COL24A1: variants seen among roughly 807,000 people sequenced by gnomAD.
COL24A1 encodes collagen type XXIV alpha 1 chain.
A neutral mutation model predicts 253.9 loss-of-function variants in COL24A1; 224 were observed. That is an observed-to-expected ratio of 0.88 (90% CI 0.79 to 0.99). The LOEUF is 0.99. COL24A1 is among the 50% of genes least tolerant of loss of function. The pLI is 0.00. For synonymous variants in COL24A1, 685 were observed against 673.7 expected (o/e 1.02, Z -0.26); for missense variants, 2,131 against 2,068.5 (o/e 1.03, Z -0.59).
At chr1:86,057,774 A>G (rs1249065501) in intron 10 of COL24A1, among the ~76,000 whole-genome samples, 157 bp downstream of exon 10, 9 of 152,238 alleles carry the variant, frequency 5.9e-5, no homozygotes, top group Non-Finnish European at 1.0e-4. Context: ...TTCTGTCATC[A>G]TAGAAGTGAA....
chr1:85,795,780 C>T (rs1451962581), intron 47 of COL24A1, among the ~76,000 whole-genome samples: 4 of 151,780 alleles, frequency 2.6e-5, no homozygotes, highest in African/African-American at 7.3e-5. Context: ...AATATAATAT[C>T]CTAGATTATT....
At chr1:85,906,753 TATA>T (rs752589679) in intron 28 of COL24A1, among the ~76,000 whole-genome samples, 97 of 152,084 alleles carry the variant, frequency 6.4e-4, no homozygotes, top group African/African-American at 1.9e-3. Flanking sequence ...CAATGATGAT[TATA>T]ATAACTTTGA....
chr1:86,021,641 T>C (rs1697549423), intron 18 of COL24A1, among the ~76,000 whole-genome samples: 1 of 152,156 alleles, frequency 6.6e-6, no homozygotes, highest in African/African-American at 2.4e-5. Flanking sequence ...ATGTTAGCTA[T>C]AATAATTATG....
chr1:85,906,933 G>C (rs1170897323), intron 28 of COL24A1, among the ~76,000 whole-genome samples: 1 of 151,554 alleles, frequency 6.6e-6, no homozygotes, highest in Non-Finnish European at 1.5e-5. Flanking sequence ...TTGGAGGCTG[G>C]GAATAAGAAA....
At chr1:85,957,054 A>G (rs1395623153) in intron 24 of COL24A1, among the ~76,000 whole-genome samples, 2 of 152,216 alleles carry the variant, frequency 1.3e-5, no homozygotes, top group Non-Finnish European at 2.9e-5. Context: ...GAATGAGTTC[A>G]TGTCGTACCA....
At chr1:85,852,080 T>C (rs189244954) in intron 37 of COL24A1, among the ~76,000 whole-genome samples, 23 of 152,330 alleles carry the variant, frequency 1.5e-4, no homozygotes, top group African/African-American at 4.8e-4. Context: ...TCAATTGGAA[T>C]GTAATTTTGC....
intron 12 of COL24A1, among the ~76,000 whole-genome samples, chr1:86,036,807 G>A (rs1218581086): frequency 2.6e-5 from 4 of 152,114 alleles, no homozygotes; most frequent in Non-Finnish European, 5.9e-5. Context: ...TTGAAAGAAT[G>A]TTGAAGAATG....
chr1:85,816,838 T>C lies in COL24A1; in HGVS notation c.3901A>G (p.Ile1301Val). 1.9e-6 allele frequency: 3 copies of C among 1,614,052 alleles called. No individual in the cohort carries two copies. The highest frequency in any genetic ancestry group is 2.5e-6 in the Non-Finnish European group (3 of 1,179,906). ...CCAATTTTTCCAGGGTTTCCTGAAATGCCATCTGCTCCATGGTATCCTTGT... is the reference window on the plus strand; with the variant it reads ...CCAATTTTTCCAGGGTTTCCTGAAACGCCATCTGCTCCATGGTATCCTTGT... ...GIQGYHGADG[I>V]SGNPGKIGPP... The change falls in exon 47 of 60, where the codon ATT (isoleucine) becomes GTT (valine). Residue 1301 changes from isoleucine to valine, a missense_variant. Physicochemically the swap from Ile to Val is conservative, Grantham distance 29. Transcript: ENST00000370571.
rs1311408476 is a variant in COL24A1, at chr1:86,046,719, AAAC to A, written c.1950+103_1950+105del. 6 of 1,320,104 alleles carry A rather than the reference AAAC, an allele frequency of 4.5e-6. No homozygotes were observed. The East Asian group carries it at 7.0e-5, about 15-fold the overall frequency. 81.8% of individuals were successfully genotyped at this position (1,320,104 alleles called of 1,614,324 possible). On this transcript the variant is annotated intron_variant, in intron 12 of 59. Transcript: ENST00000370571. ...GCAAAAATTAAAATGGAATGATTAT[AAAC>A]AACAACAAAAAGCAAAAAGTATCTT...
At position 85,896,366 on chromosome 1, in the gene COL24A1, T is replaced by TG; in HGVS notation, c.2821dup (p.Gln941ProfsTer6). On this transcript the variant is annotated frameshift_variant, in exon 29 of 60. Transcript: ENST00000370571. LOFTEE classifies it high-confidence loss of function. ...AAAATCAATGATTACCTTGGCACCT[T>TG]GTATACCTTGTTCCCCTAAGAGACC... 6.2e-7 allele frequency: 1 copy of TG among 1,613,320 alleles called. No homozygotes were observed. The highest frequency in any genetic ancestry group is 1.1e-5 in the South Asian group (1 of 91,046).
At chr1:86,131,416 GGTTT>G (rs1396432611) in intron 2 of COL24A1, among the ~76,000 whole-genome samples, 2 of 151,880 alleles carry the variant, frequency 1.3e-5, no homozygotes, top group Non-Finnish European at 2.9e-5. Flanking sequence ...ACAATGTGCA[GGTTT>G]GTTACATATG....
rs147485361 is a variant in COL24A1, at chr1:85,860,212, C to G, written c.3300+8307G>C. Reference sequence around the variant, plus strand: ...ATACTCATACATGATATCCACGTATCATGTATATGAATTATGTGCCCATTT... The same window carrying G: ...ATACTCATACATGATATCCACGTATGATGTATATGAATTATGTGCCCATTT... On this transcript the variant is annotated intron_variant, in intron 37 of 59. Transcript: ENST00000370571. 4.1e-3 allele frequency among the ~76,000 whole-genome samples: 620 copies of G among 152,218 alleles called. 5 individuals carry two copies. The Middle Eastern group carries it at 0.051, about 13-fold the overall frequency.
At chr1:85,809,418 C>T (rs962119610) in intron 47 of COL24A1, among the ~76,000 whole-genome samples, 5 of 152,170 alleles carry the variant, frequency 3.3e-5, no homozygotes, top group Non-Finnish European at 5.9e-5. Flanking sequence ...GTTAGCTTGG[C>T]CTTTGCCCAG....
intron 58 of COL24A1, among the ~76,000 whole-genome samples, chr1:85,737,189 T>A (rs1664145720): frequency 6.6e-6 from 1 of 152,128 alleles, no homozygotes. Flanking sequence ...CTAAGCCAAA[T>A]AATAAAAAGA....
intron 2 of COL24A1, among the ~76,000 whole-genome samples, chr1:86,129,243 A>G (rs1648785378): frequency 6.6e-6 from 1 of 151,770 alleles, no homozygotes; most frequent in Non-Finnish European, 1.5e-5. Flanking sequence ...TTCACATAAT[A>G]ATCCCTTACA....
intron 39 of COL24A1, among the ~76,000 whole-genome samples, chr1:85,846,997 C>A (rs559974682): frequency 2.6e-5 from 4 of 152,066 alleles, no homozygotes; most frequent in Admixed American, 2.0e-4. Context: ...AATGGAAATA[C>A]GCATGCATTT....
At chr1:85,765,859 C>T (rs1410152941) in intron 53 of COL24A1, among the ~76,000 whole-genome samples, 1 of 152,056 alleles carries the variant, frequency 6.6e-6, no homozygotes, top group Non-Finnish European at 1.5e-5. Context: ...CCATTATTTC[C>T]AGCAGTCGTC....
At chr1:86,017,314 T>A in intron 18 of COL24A1, 110 bp from the exon 19 acceptor site, 1 of 962,822 alleles carries the variant, frequency 1.0e-6, no homozygotes, top group Non-Finnish European at 1.5e-6. Flanking sequence ...TATTATCATG[T>A]CAAACAAGGT....
At chr1:85,778,134 A>T (rs929522449) in intron 52 of COL24A1, among the ~76,000 whole-genome samples, 4 of 151,312 alleles carry the variant, frequency 2.6e-5, no homozygotes, top group Non-Finnish European at 4.4e-5. Flanking sequence ...TTATTTTTAA[A>T]TTTTTTTTGC....
Sources: gnomAD v4.1 joint callset for allele counts (sites outside exome capture counted in the v4.1 genomes callset) on GRCh38, gnomAD v4.1.1 for gene constraint, MANE v1.5 for transcripts, NCBI Gene and HGNC (gene_info 2026-07-23, HGNC 2026-07-21) for gene names.